The following ITGA9 variants were observed in gnomAD, a reference collection of about 807,000 sequenced individuals.
ITGA9 encodes the protein integrin subunit alpha 9.
In ITGA9, 56 loss-of-function variants were observed where a neutral mutation model predicts 127.8. The observed-to-expected ratio is 0.44, with a 90% CI of 0.35 to 0.55. ITGA9 has a LOEUF of 0.55. Among genes scored for constraint, ITGA9 ranks in the 20% least tolerant of loss-of-function variants. The pLI is 0.00. For synonymous variants in ITGA9, 508 were observed against 514.5 expected (o/e 0.99, Z 0.17); for missense variants, 1,196 against 1,347.1 (o/e 0.89, Z 1.76).
chr3:37,790,536 G>A (rs1697096499), intron 26 of ITGA9: 2 of 243,492 alleles, frequency 8.2e-6, no homozygotes, highest in Admixed American at 4.9e-5. Flanking sequence ...CACATGTCCT[G>A]TGATTCTTTA....
At chr3:37,482,940 C>A (rs1342759877) in intron 4 of ITGA9, among the ~76,000 whole-genome samples, 1 of 152,082 alleles carries the variant, frequency 6.6e-6, no homozygotes, top group Non-Finnish European at 1.5e-5. Context: ...TATAATCAAT[C>A]AAGAGTGGAG....
At chr3:37,500,859 C>T (rs1698780613) in intron 5 of ITGA9, among the ~76,000 whole-genome samples, 1 of 152,182 alleles carries the variant, frequency 6.6e-6, no homozygotes, top group African/African-American at 2.4e-5. Context: ...TGGGTTTCAG[C>T]AGTGAGAGAC....
rs1559519208 is a variant in ITGA9, at chr3:37,490,969, C to CA, written c.545-3532_545-3531insA. Among the ~76,000 whole-genome samples, 4 of 134,424 alleles carry CA rather than the reference C, an allele frequency of 3.0e-5. 1 individual carries two copies. The highest frequency in any genetic ancestry group is 1.1e-4 in the African/African-American group (4 of 35,146). 88.2% of individuals were successfully genotyped at this position (134,424 alleles called of 152,430 possible). A position where few individuals can be genotyped will look rare whatever the true frequency, so the allele number is the denominator to read the frequency against. ...CTTTTGGGTCTCAGATTTGGCTTCC[C>CA]CCCCGCTTTTTTTTTTTTTTTTTTT... On this transcript the variant is annotated intron_variant, in intron 4 of 27. Transcript: ENST00000264741.
intron 15 of ITGA9, among the ~76,000 whole-genome samples, chr3:37,551,583 T>C (rs572457644): frequency 9.8e-5 from 15 of 152,358 alleles, no homozygotes; most frequent in African/African-American, 3.4e-4. Context: ...GCCCAAATTG[T>C]GTCACTATTC....
intron 16 of ITGA9, among the ~76,000 whole-genome samples, chr3:37,641,160 A>G (rs1700329308): frequency 6.6e-6 from 1 of 152,312 alleles, no homozygotes; most frequent in Admixed American, 6.5e-5. Context: ...CCGGCCACAC[A>G]GCATGAGGTG....
At chr3:37,777,644 G>A in intron 24 of ITGA9, 127 bp downstream of exon 24, 1 of 1,016,242 alleles carries the variant, frequency 9.8e-7, no homozygotes. Flanking sequence ...GGCACAGACT[G>A]TGGTCAACTC....
At chr3:37,469,505 C>T (rs1698406296) in intron 1 of ITGA9, among the ~76,000 whole-genome samples, 1 of 152,176 alleles carries the variant, frequency 6.6e-6, no homozygotes, top group Non-Finnish European at 1.5e-5. Flanking sequence ...ATACAGTTAT[C>T]ACAAATTTGT....
rs545267686 is a variant in ITGA9 at position 37,452,823 on chromosome 3, G to T, written c.185+264G>T. Among the ~76,000 whole-genome samples the T allele has an allele frequency of 6.6e-6, 1 of 152,296 alleles. No homozygotes were observed. Among genetic ancestry groups the T allele is most frequent in the Non-Finnish European group, 1.5e-5 (1 of 68,004 alleles). ...CCTGGGGTCCCAGCCCAGAGCGTGG[G>T]GGGAGAGCCGCTAGAGTTGTCTCCT... is the stretch of plus-strand genomic sequence containing the variant. On this transcript the variant is annotated intron_variant, in intron 1 of 27. Transcript: ENST00000264741. This position sits in a 1 kb window ranked among gnomAD's most constrained non-coding sequence, Gnocchi z 7.3.
rs188531016 is a variant in ITGA9, at chr3:37,695,369, C to T, written c.2067+11354C>T. Among the ~76,000 whole-genome samples, 720 of 152,324 alleles carry T rather than the reference C, an allele frequency of 4.7e-3. 10 individuals are homozygous for T. The highest frequency in any genetic ancestry group is 0.03 in the South Asian group (145 of 4,828). ...AAATTGTTTGCTACAGTCGGTTTAC[C>T]TTCAACTGGTTTCCTTCTTGTTCTG... On this transcript the variant is annotated intron_variant, in intron 18 of 27. Coordinates refer to ENST00000264741, the MANE Select transcript of ITGA9 (RefSeq NM_002207.3).
chr3:37,589,713 G>T (rs1699794339), intron 15 of ITGA9, among the ~76,000 whole-genome samples: 1 of 152,196 alleles, frequency 6.6e-6, no homozygotes, highest in South Asian at 2.1e-4. Flanking sequence ...CCTGAGGCAG[G>T]AGTGCCTGTT....
chr3:37,735,247 C>T (rs982539258), intron 19 of ITGA9, among the ~76,000 whole-genome samples: 7 of 152,176 alleles, frequency 4.6e-5, no homozygotes, highest in Non-Finnish European at 8.8e-5. Flanking sequence ...ATTCAGATCT[C>T]CTCCCAGTGC....
intron 23 of ITGA9, among the ~76,000 whole-genome samples, chr3:37,764,601 C>T (rs529079198): frequency 1.1e-3 from 174 of 152,232 alleles, no homozygotes; most frequent in African/African-American, 4.1e-3. Flanking sequence ...CCTTGTCTTC[C>T]AGCCTCCCTG....
chr3:37,546,759 T>A (rs2125592915), intron 15 of ITGA9, among the ~76,000 whole-genome samples: 1 of 152,290 alleles, frequency 6.6e-6, no homozygotes, highest in Middle Eastern at 3.4e-3. Flanking sequence ...CTGTCTGGAC[T>A]GACTGCTGGG....
Position 37,512,115 on chromosome 3 carries a change from TCC to T in ITGA9, c.898-1647_898-1646del, listed in dbSNP as rs1559524775. ...TTCCTTCCTTCCTTCCTTCCTTCCT[TCC>T]TTCTTTCTTTTCTTTTCTTTTCTTT... On this transcript the variant is annotated intron_variant, in intron 8 of 27. Coordinates refer to ENST00000264741, the MANE Select transcript of ITGA9 (RefSeq NM_002207.3). Among the ~76,000 whole-genome samples, 59 of 103,572 alleles carry T rather than the reference TCC, an allele frequency of 5.7e-4. 3 individuals carry two copies. The highest frequency in any genetic ancestry group is 1.7e-3 in the African/African-American group (41 of 24,546). 67.9% of individuals were successfully genotyped at this position (103,572 alleles called of 152,430 possible).
intron 15 of ITGA9, among the ~76,000 whole-genome samples, chr3:37,615,968 G>A (rs1700070383): frequency 6.6e-6 from 1 of 152,070 alleles, no homozygotes; most frequent in African/African-American, 2.4e-5. Context: ...GTTTCCTTCA[G>A]TTCTGCTCTG....
intron 17 of ITGA9, among the ~76,000 whole-genome samples, chr3:37,671,293 G>T (rs1559563467): frequency 6.6e-6 from 1 of 152,260 alleles, no homozygotes; most frequent in Non-Finnish European, 1.5e-5. Context: ...GGAACCAGCA[G>T]TTCTTTTCAC....
chr3:37,812,177 T>G (rs1297370437), intron 27 of ITGA9, among the ~76,000 whole-genome samples: 2 of 152,166 alleles, frequency 1.3e-5, no homozygotes, highest in African/African-American at 4.8e-5. Flanking sequence ...CCAATGACAT[T>G]CAGTGGGGGC....
chr3:37,494,113 CT>C (rs1042575927), intron 4 of ITGA9, among the ~76,000 whole-genome samples: 16 of 152,310 alleles, frequency 1.1e-4, no homozygotes, highest in African/African-American at 3.6e-4. Flanking sequence ...AGACTCCACA[CT>C]GGGATGGCCA....
intron 13 of ITGA9, among the ~76,000 whole-genome samples, chr3:37,527,347 G>A (rs941436920): frequency 6.6e-6 from 1 of 152,234 alleles, no homozygotes; most frequent in East Asian, 1.9e-4. Flanking sequence ...TGCAGTACAT[G>A]TAAAATGTTC....
Sources: allele counts gnomAD v4.1 joint callset (sites outside exome capture counted in the v4.1 genomes callset), GRCh38; gene constraint gnomAD v4.1.1; non-coding constraint Gnocchi (gnomAD v3.1); transcripts MANE v1.5; gene names NCBI Gene and HGNC (gene_info 2026-07-23, HGNC 2026-07-21).